UBAP2: variants seen among roughly 807,000 people sequenced by gnomAD.
The protein encoded by UBAP2 is ubiquitin associated protein 2, also known as ubiquitin-associated protein 2.
UBAP2 carries 75 observed loss-of-function variants against 139.6 expected under a neutral mutation model. The ratio of observed to expected loss-of-function variants is 0.54; its 90% CI spans 0.45 to 0.65. UBAP2 has a LOEUF of 0.65. Among genes scored for constraint, UBAP2 ranks in the 30% least tolerant of loss-of-function variants. The pLI is 0.00. For missense variants in UBAP2, 1,368 were observed against 1,369.6 expected, an observed-to-expected ratio of 1.00 and a Z score of 0.02; for synonymous variants, 526 against 526.2, an observed-to-expected ratio of 1.00 and a Z score of 0.01.
At chr9:33,923,571 T>C (rs1427923320) in intron 24 of UBAP2, 93 bp from the exon 25 acceptor site, 1 of 1,278,640 alleles carries the variant, frequency 7.8e-7, no homozygotes. Context: ...GCAGGTGACA[T>C]ACCCACAACC....
intron 1 of UBAP2, among the ~76,000 whole-genome samples, chr9:34,037,148 C>T (rs1826500581): frequency 6.6e-6 from 1 of 152,090 alleles, no homozygotes; most frequent in African/African-American, 2.4e-5. Context: ...GCCACCATGC[C>T]TGGCTAATTT....
At chr9:34,041,933 G>A (rs1827129527) in intron 1 of UBAP2, among the ~76,000 whole-genome samples, 1 of 151,806 alleles carries the variant, frequency 6.6e-6, no homozygotes, top group Non-Finnish European at 1.5e-5. Context: ...GCTGAGGAAG[G>A]AGAATCGCTT....
intron 5 of UBAP2, among the ~76,000 whole-genome samples, chr9:33,988,178 T>C (rs1821372861): frequency 6.6e-6 from 1 of 152,092 alleles, no homozygotes; most frequent in African/African-American, 2.4e-5. Context: ...TTATTTTCTT[T>C]ATTGTTACAT....
chr9:33,921,793 G>A lies in UBAP2; in HGVS notation c.*711C>T, dbSNP rs902322266. ...CAACTAGAATGGAGATGTGTTGCTT[G>A]GAGATACCTTAGATTTTTAAAGGGG... On this transcript the variant is annotated 3_prime_UTR_variant, in exon 29 of 29. Transcript: ENST00000379238. The A allele has an allele frequency of 6.6e-6, 1 of 152,552 alleles. No individual in the cohort carries two copies. The highest frequency in any genetic ancestry group is 1.5e-5 in the Non-Finnish European group (1 of 68,012). The allele number at this position is 152,552 out of a possible 1,614,324, so 9.4% of individuals were successfully genotyped here.
At chr9:33,938,595 G>A (rs1162346479) in intron 16 of UBAP2, among the ~76,000 whole-genome samples, 7 of 151,988 alleles carry the variant, frequency 4.6e-5, no homozygotes, top group South Asian at 4.2e-4. Context: ...TCAGGAGTTC[G>A]AGACCAGCCT....
chr9:33,966,005 G>A (rs1293433830), intron 8 of UBAP2, among the ~76,000 whole-genome samples: 5 of 150,484 alleles, frequency 3.3e-5, no homozygotes, highest in Non-Finnish European at 5.9e-5. Flanking sequence ...AGCAGAGATC[G>A]TGCCACTGCG....
At chr9:33,968,297 A>G in intron 8 of UBAP2, 1 of 607,580 alleles carries the variant, frequency 1.6e-6, no homozygotes. Flanking sequence ...TCTGTACACC[A>G]AGAAAGCTAC....
chr9:33,987,344 G>A (rs1282474991), intron 5 of UBAP2, among the ~76,000 whole-genome samples: 3 of 151,592 alleles, frequency 2.0e-5, no homozygotes, highest in South Asian at 2.1e-4. Context: ...CCCAACAGGC[G>A]GAGGTTGCAG....
At chr9:34,040,464 G>A (rs1378482763) in intron 1 of UBAP2, among the ~76,000 whole-genome samples, 1 of 151,800 alleles carries the variant, frequency 6.6e-6, no homozygotes, top group African/African-American at 2.4e-5. Context: ...TCTAGTTAAA[G>A]AGGTTAGCTG....
chr9:33,999,744 T>G (rs1822522269), intron 2 of UBAP2, among the ~76,000 whole-genome samples: 1 of 152,050 alleles, frequency 6.6e-6, no homozygotes, highest in Non-Finnish European at 1.5e-5. Flanking sequence ...TGGAGCCTCA[T>G]GCTGTTACCC....
At chr9:34,029,308 C>A (rs1410594137) in intron 1 of UBAP2, among the ~76,000 whole-genome samples, 1 of 151,510 alleles carries the variant, frequency 6.6e-6, no homozygotes, top group Admixed American at 6.6e-5. Context: ...GGGTGGATCA[C>A]CAGAAGGTCA....
At chr9:34,033,684 T>G (rs920580841) in intron 1 of UBAP2, among the ~76,000 whole-genome samples, 3 of 151,586 alleles carry the variant, frequency 2.0e-5, no homozygotes, top group Non-Finnish European at 4.4e-5. Context: ...CTCAAGAGAT[T>G]CTCCCACCTC....
intron 26 of UBAP2, 46 bp downstream of exon 26, chr9:33,923,140 G>A: frequency 1.9e-6 from 3 of 1,611,610 alleles, no homozygotes; most frequent in Non-Finnish European, 2.5e-6. Context: ...TCAGGCAGGA[G>A]CCCACCACTC....
chr9:33,975,529 C>T (rs307686), intron 6 of UBAP2, among the ~76,000 whole-genome samples: 60,024 of 147,562 alleles, frequency 0.41, 12,327 homozygotes, highest in South Asian at 0.49. Flanking sequence ...CCAGGTGCAG[C>T]GGCTCATGCC....
chr9:33,927,487 A>G (rs543135280), intron 20 of UBAP2, among the ~76,000 whole-genome samples: 1 of 152,328 alleles, frequency 6.6e-6, no homozygotes, highest in East Asian at 1.9e-4. Context: ...GCCTACAGAC[A>G]GCCTAGGTCT....
At chr9:34,008,290 C>T (rs1329570905) in intron 2 of UBAP2, among the ~76,000 whole-genome samples, 1 of 142,354 alleles carries the variant, frequency 7.0e-6, no homozygotes, top group Admixed American at 7.3e-5. Context: ...TGCACTGCAG[C>T]GTGGGCAACA....
chr9:33,980,255 C>CG (rs1820539213), intron 6 of UBAP2, among the ~76,000 whole-genome samples: 1 of 44,560 alleles, frequency 2.2e-5, no homozygotes, highest in African/African-American at 6.8e-5. Context: ...TTTTTTGAGA[C>CG]GGAGTCTTGC....
chr9:33,967,269 C>CA (rs1375300383), intron 8 of UBAP2, among the ~76,000 whole-genome samples: 1 of 152,124 alleles, frequency 6.6e-6, no homozygotes, highest in Non-Finnish European at 1.5e-5. Context: ...TACACAATCA[C>CA]AAAAAACAAC....
chr9:33,935,906 T>C (rs1321452152), intron 16 of UBAP2, 28 bp from the exon 17 acceptor site: 1 of 1,603,204 alleles, frequency 6.2e-7, no homozygotes, highest in Non-Finnish European at 8.5e-7. Context: ...GAAGAGAATA[T>C]AAACTTACAA....
Sources: allele counts gnomAD v4.1 joint callset (sites outside exome capture counted in the v4.1 genomes callset), GRCh38; gene constraint gnomAD v4.1.1; transcripts MANE v1.5; gene names NCBI Gene and HGNC (gene_info 2026-07-23, HGNC 2026-07-21).